TRIM44: variants seen among roughly 807,000 people sequenced by gnomAD.
The protein encoded by TRIM44 is tripartite motif-containing protein 44.
TRIM44 carries 13 observed loss-of-function variants against 37.4 expected under a neutral mutation model. That is an observed-to-expected ratio of 0.35 (90% CI 0.23 to 0.55). The LOEUF (loss-of-function observed/expected upper bound fraction) is 0.55. Ranked by LOEUF, TRIM44 falls within the 20% of genes least tolerant of loss-of-function variation. The pLI is 0.89. For synonymous variants in TRIM44, 175 were observed against 157.2 expected (o/e 1.11, Z -0.85); for missense variants, 426 against 437.2 (o/e 0.97, Z 0.23).
intron 4 of TRIM44, among the ~76,000 whole-genome samples, chr11:35,764,544 T>G (rs1852768560): frequency 6.6e-6 from 1 of 152,190 alleles, no homozygotes; most frequent in Non-Finnish European, 1.5e-5. Context: ...GCTGCTTAGT[T>G]TCTGCTCTTC....
chr11:35,727,234 A>T (rs1852188236), intron 3 of TRIM44, among the ~76,000 whole-genome samples: 1 of 152,164 alleles, frequency 6.6e-6, no homozygotes, highest in African/African-American at 2.4e-5. Flanking sequence ...TCATAATTTG[A>T]CAATTCTAGT....
chr11:35,669,661 T>C (rs1354131797), intron 1 of TRIM44, among the ~76,000 whole-genome samples: 1 of 151,964 alleles, frequency 6.6e-6, no homozygotes, highest in Non-Finnish European at 1.5e-5. Context: ...ATTTCTAGTA[T>C]AGAGATGGGG....
intron 1 of TRIM44, among the ~76,000 whole-genome samples, chr11:35,676,986 T>G (rs1851465927): frequency 6.6e-6 from 1 of 152,228 alleles, no homozygotes. Context: ...TTTCCAGAGA[T>G]ATGAGAAAAA....
intron 2 of TRIM44, among the ~76,000 whole-genome samples, chr11:35,712,527 A>G (rs997891985): frequency 2.6e-5 from 4 of 152,162 alleles, no homozygotes; most frequent in African/African-American, 7.2e-5. Flanking sequence ...ATAGTCATTT[A>G]AAAACTAAGG....
At chr11:35,712,030 A>G (rs922733280) in intron 2 of TRIM44, among the ~76,000 whole-genome samples, 1 of 152,182 alleles carries the variant, frequency 6.6e-6, no homozygotes, top group Admixed American at 6.5e-5. Context: ...ATGACTTGCA[A>G]ATAAATTGAG....
In TRIM44 at chr11:35,747,228, A is replaced by G. The variant is rs143745969; in HGVS notation, c.1007+11783A>G. Among the ~76,000 whole-genome samples, 286 of 152,356 alleles carry G rather than the reference A, an allele frequency of 1.9e-3. 1 individual carries two copies. The Middle Eastern group carries it at 0.024, about 13-fold the overall frequency. ...CCTTTCAGGATTGTCCAGGGTTAAT[A>G]GTTATCCAGCAGTAATACCTGCCTG... On this transcript the variant is annotated intron_variant, in intron 4 of 4. Coordinates refer to ENST00000299413, the MANE Select transcript of TRIM44 (RefSeq NM_017583.6).
chr11:35,746,565 T>G (rs910279097), intron 4 of TRIM44, among the ~76,000 whole-genome samples: 8 of 150,204 alleles, frequency 5.3e-5, no homozygotes, highest in African/African-American at 2.0e-4. Context: ...TGGTGGAGTT[T>G]TTTGTTTGTT....
intron 2 of TRIM44, 114 bp from the exon 3 acceptor site, chr11:35,725,810 A>G: frequency 8.9e-7 from 1 of 1,126,226 alleles, no homozygotes; most frequent in Non-Finnish European, 1.2e-6. Flanking sequence ...CCAAAACTTT[A>G]GGATTGGATA....
In TRIM44 at chr11:35,810,777, C is replaced by T. The variant is rs1853519180; in HGVS notation, c.*4392C>T. ...CCAGTCTTTCTACAGTGACAGGCCA[C>T]ACTGCATGAATGGGGAGAACCAATG... On this transcript the variant is annotated 3_prime_UTR_variant, in exon 5 of 5. Transcript: ENST00000299413. The T allele has an allele frequency of 6.6e-6, 1 of 152,180 alleles. No homozygotes were observed. Among genetic ancestry groups the T allele is most frequent in the African/African-American group, 2.4e-5 (1 of 41,432 alleles). The allele number at this position is 152,180 out of a possible 1,614,324, so 9.4% of individuals were successfully genotyped here. A position where few individuals can be genotyped will look rare whatever the true frequency, so the allele number is the denominator to read the frequency against.
intron 3 of TRIM44, among the ~76,000 whole-genome samples, chr11:35,731,646 A>G (rs558310878): frequency 1.3e-5 from 2 of 152,122 alleles, no homozygotes; most frequent in South Asian, 4.1e-4. Flanking sequence ...ATTTACTTAC[A>G]TCATTTTATA....
chr11:35,737,418 G>A (rs954101480), intron 4 of TRIM44, among the ~76,000 whole-genome samples: 9 of 152,094 alleles, frequency 5.9e-5, no homozygotes, highest in East Asian at 1.9e-4. Flanking sequence ...ACAGTGATGC[G>A]CACCTATAAT....
intron 2 of TRIM44, among the ~76,000 whole-genome samples, chr11:35,703,232 G>C (rs1851820556): frequency 6.6e-6 from 1 of 152,196 alleles, no homozygotes; most frequent in Admixed American, 6.5e-5. Flanking sequence ...CCCAGGCTTG[G>C]TTAGGTAAAC....
chr11:35,683,752 G>A (rs1026550738), intron 1 of TRIM44, among the ~76,000 whole-genome samples: 1 of 151,698 alleles, frequency 6.6e-6, no homozygotes, highest in Non-Finnish European at 1.5e-5. Context: ...ATAATATAAT[G>A]TATTATTATT....
At chr11:35,738,041 A>T (rs559751688) in intron 4 of TRIM44, among the ~76,000 whole-genome samples, 2 of 152,254 alleles carry the variant, frequency 1.3e-5, no homozygotes, top group African/African-American at 4.8e-5. Flanking sequence ...GCTCCTTAAA[A>T]TCCAGTCCAG....
intron 2 of TRIM44, among the ~76,000 whole-genome samples, chr11:35,702,669 G>C (rs923886073): frequency 1.3e-5 from 2 of 152,162 alleles, no homozygotes; most frequent in African/African-American, 4.8e-5. Flanking sequence ...CATAGTTTGT[G>C]CGTGTGTGTA....
intron 4 of TRIM44, among the ~76,000 whole-genome samples, chr11:35,781,695 T>TA (rs1853067589): frequency 6.6e-6 from 1 of 152,196 alleles, no homozygotes; most frequent in Non-Finnish European, 1.5e-5. Context: ...AGGAAGGAAA[T>TA]AAAGTTATTT....
chr11:35,759,041 T>C (rs1321132377), intron 4 of TRIM44, among the ~76,000 whole-genome samples: 1 of 151,948 alleles, frequency 6.6e-6, no homozygotes, highest in African/African-American at 2.4e-5. Flanking sequence ...ATTTGAATGT[T>C]GGCCTGCCTT....
chr11:35,708,659 GA>G (rs1203371050), intron 2 of TRIM44, among the ~76,000 whole-genome samples: 1 of 151,354 alleles, frequency 6.6e-6, no homozygotes, highest in Non-Finnish European at 1.5e-5. Context: ...ACTATCGTAA[GA>G]ACAAAAAACC....
intron 2 of TRIM44, among the ~76,000 whole-genome samples, chr11:35,689,661 T>G (rs1851618616): frequency 6.6e-6 from 1 of 152,202 alleles, no homozygotes; most frequent in South Asian, 2.1e-4. Context: ...GTGTCTGTAC[T>G]TGGATTTTTA....
Sources: allele counts gnomAD v4.1 joint callset (sites outside exome capture counted in the v4.1 genomes callset), GRCh38; gene constraint gnomAD v4.1.1; transcripts MANE v1.5; gene names NCBI Gene and HGNC (gene_info 2026-07-23, HGNC 2026-07-21).